The following RNLS variants were observed in gnomAD, a reference collection of about 807,000 sequenced individuals.
The protein encoded by RNLS is renalase, FAD dependent amine oxidase.
RNLS carries 39 observed loss-of-function variants against 39.8 expected under a neutral mutation model. That is an observed-to-expected ratio of 0.98 (90% CI 0.76 to 1.28). The LOEUF is 1.28. Ranked by LOEUF, RNLS falls within the 50% of genes most tolerant of loss-of-function variation. RNLS has a pLI of 0.00. For synonymous variants in RNLS, 147 were observed against 150.7 expected, an observed-to-expected ratio of 0.98 and a Z score of 0.18; for missense variants, 410 against 413.3, an observed-to-expected ratio of 0.99 and a Z score of 0.07.
At chr10:88,179,541 T>G in the RNLS span, among the ~76,000 whole-genome samples, 1 of 152,262 alleles carries the variant, frequency 6.6e-6, no homozygotes, top group African/African-American at 2.4e-5. Flanking sequence ...GTACTCTATA[T>G]GTTTAATTCA....
chr10:88,365,350 C>A (rs1412181275), intron 4 of RNLS, among the ~76,000 whole-genome samples: 1 of 145,376 alleles, frequency 6.9e-6, no homozygotes, highest in Non-Finnish European at 1.5e-5. Flanking sequence ...GAAACCAGCC[C>A]TAGGTCCCAC....
chr10:88,351,730 A>G (rs1848725512), intron 5 of RNLS, among the ~76,000 whole-genome samples: 1 of 152,116 alleles, frequency 6.6e-6, no homozygotes, highest in Non-Finnish European at 1.5e-5. Context: ...GTTTTTTCCA[A>G]TTCTGTGAAG....
At chr10:88,328,806 A>C (rs1448283854) in intron 5 of RNLS, among the ~76,000 whole-genome samples, 1 of 152,086 alleles carries the variant, frequency 6.6e-6, no homozygotes, top group Non-Finnish European at 1.5e-5. Flanking sequence ...TTATTCATGA[A>C]AAGCGTCTTT....
chr10:88,293,401 G>A (rs954109894), intron 6 of RNLS, among the ~76,000 whole-genome samples: 2 of 151,990 alleles, frequency 1.3e-5, no homozygotes, highest in Non-Finnish European at 2.9e-5. Context: ...TGGTTAACTT[G>A]TTCTTTTATA....
intron 6 of RNLS, among the ~76,000 whole-genome samples, chr10:88,310,889 T>C (rs765883492): frequency 7.5e-5 from 11 of 146,632 alleles, no homozygotes; most frequent in Non-Finnish European, 1.5e-4. Context: ...TAAGTGAAGA[T>C]ATATAACTAC....
chr10:88,556,875 A>G (rs986222867), intron 4 of RNLS, among the ~76,000 whole-genome samples: 3 of 152,102 alleles, frequency 2.0e-5, no homozygotes, highest in Non-Finnish European at 4.4e-5. Context: ...ATGTACCATC[A>G]TTTCACATAG....
chr10:88,474,287 A>T (rs953685135), intron 4 of RNLS, among the ~76,000 whole-genome samples: 39 of 152,292 alleles, frequency 2.6e-4, no homozygotes, highest in African/African-American at 9.1e-4. Context: ...AGGCTTTCTG[A>T]ATCCATTATT....
intron 4 of RNLS, among the ~76,000 whole-genome samples, chr10:88,385,753 ACT>A (rs2133548174): frequency 6.6e-6 from 1 of 151,536 alleles, no homozygotes; most frequent in East Asian, 1.9e-4. Context: ...TGGTGTGGTG[ACT>A]CTTTGTCACG....
chr10:88,582,266 A>C lies in RNLS; in HGVS notation c.160T>G (p.Cys54Gly), dbSNP rs759143534. The stretch of plus-strand genomic sequence containing the variant: ...TACTGAGCACCCAAGTCAGCTGTGC[A>C]CTGAGGATTATGAGGACTGCAGGCT... ...TTACSPHNPQ[C>G]TADLGAQYIT... The change falls in exon 2 of 7, where the codon TGC (cysteine) becomes GGC (glycine). Residue 54 changes from cysteine to glycine, a missense_variant. Cys to Gly is a radical substitution (Grantham distance 159). Transcript: ENST00000331772. 4 of 1,613,980 alleles carry C rather than the reference A, an allele frequency of 2.5e-6. No homozygotes were observed. The highest frequency in any genetic ancestry group is 2.2e-5 in the South Asian group (2 of 91,072).
At chr10:88,353,041 G>A (rs969741896) in intron 5 of RNLS, among the ~76,000 whole-genome samples, 1 of 152,024 alleles carries the variant, frequency 6.6e-6, no homozygotes, top group African/African-American at 2.4e-5. Context: ...GGGATCAGTG[G>A]GGATATCCCC....
chr10:88,494,029 T>G (rs184686507), intron 4 of RNLS, among the ~76,000 whole-genome samples: 1 of 152,216 alleles, frequency 6.6e-6, no homozygotes, highest in Admixed American at 6.6e-5. Flanking sequence ...GAGCCATGCA[T>G]GATATGCACA....
chr10:88,358,484 T>A (rs1849377251), intron 5 of RNLS, among the ~76,000 whole-genome samples: 1 of 152,222 alleles, frequency 6.6e-6, no homozygotes, highest in Non-Finnish European at 1.5e-5. Context: ...AAGGTGTCTT[T>A]TCTGTAGGAA....
At chr10:88,249,073 G>A in the RNLS span, among the ~76,000 whole-genome samples, 1 of 152,198 alleles carries the variant, frequency 6.6e-6, no homozygotes, top group Admixed American at 6.5e-5. Flanking sequence ...ATGACCCTTG[G>A]AGGCTGTGTT....
At chr10:88,338,827 T>TCA in intron 5 of RNLS, among the ~76,000 whole-genome samples, 1 of 148,026 alleles carries the variant, frequency 6.8e-6, no homozygotes, top group Non-Finnish European at 1.5e-5. Context: ...AGTGGCGCGA[T>TCA]CTCGGCTCAC....
At chr10:88,516,722 T>C (rs1841230109) in intron 4 of RNLS, among the ~76,000 whole-genome samples, 1 of 152,054 alleles carries the variant, frequency 6.6e-6, no homozygotes, top group Non-Finnish European at 1.5e-5. Context: ...CACAAAGGCA[T>C]ACTGGATTGC....
the RNLS span, among the ~76,000 whole-genome samples, chr10:88,239,416 G>C: frequency 5.3e-5 from 8 of 152,086 alleles, no homozygotes; most frequent in Non-Finnish European, 1.0e-4. Flanking sequence ...TCTGAAATAT[G>C]GCATTCCAAA....
chr10:88,281,083 C>G (rs1001029994), downstream of RNLS, among the ~76,000 whole-genome samples: 1 of 152,184 alleles, frequency 6.6e-6, no homozygotes, highest in African/African-American at 2.4e-5. Flanking sequence ...TCAGATGATA[C>G]TGGCTAAAAC....
At chr10:88,458,577 C>T (rs1842764425) in intron 4 of RNLS, among the ~76,000 whole-genome samples, 1 of 152,116 alleles carries the variant, frequency 6.6e-6, no homozygotes, top group African/African-American at 2.4e-5. Context: ...TTATACTGGA[C>T]GTAGTACTTG....
At chr10:88,243,752 A>C in the RNLS span, among the ~76,000 whole-genome samples, 6 of 152,214 alleles carry the variant, frequency 3.9e-5, no homozygotes, top group South Asian at 1.2e-3. Context: ...TTTAACGGAC[A>C]CTTCACTTTG....
Sources: allele counts gnomAD v4.1 joint callset (sites outside exome capture counted in the v4.1 genomes callset), GRCh38; gene constraint gnomAD v4.1.1; transcripts MANE v1.5; gene names NCBI Gene and HGNC (gene_info 2026-07-23, HGNC 2026-07-21).